Variants in TEDC1 observed in about 807,000 individuals in gnomAD.
The protein encoded by TEDC1 is tubulin epsilon and delta complex protein 1.
A neutral mutation model predicts 59.9 loss-of-function variants in TEDC1; 54 were observed. That is an observed-to-expected ratio of 0.90 (90% CI 0.72 to 1.13). The LOEUF (loss-of-function observed/expected upper bound fraction) is 1.13. Ranked by LOEUF, TEDC1 falls within the 50% of genes most tolerant of loss-of-function variation. The pLI, the probability that TEDC1 is intolerant of heterozygous loss-of-function variation, is 0.00. For synonymous variants in TEDC1, 353 were observed against 298.1 expected (o/e 1.18, Z -1.90); for missense variants, 734 against 683.4 (o/e 1.07, Z -0.83).
intron 3 of TEDC1, 52 bp downstream of exon 3, chr14:105,492,361 C>T (rs1555439640): frequency 1.3e-6 from 2 of 1,587,974 alleles, no homozygotes; most frequent in African/African-American, 1.3e-5. Flanking sequence ...ACTCCTGGGG[C>T]CAGAGCAAGG....
chr14:105,498,129 G>C, intron 8 of TEDC1, 152 bp downstream of exon 8: 1 of 1,019,148 alleles, frequency 9.8e-7, no homozygotes, highest in South Asian at 2.0e-5. Flanking sequence ...GGGAGCGGGA[G>C]GGCACCTGGT....
chr14:105,492,745 C>T lies in TEDC1; in HGVS notation c.585+11C>T. Reference sequence around the variant, plus strand: ...GCCCTCCTGAGCAAGGTAGAGCTGGCACAGGGCTTCCACTCAGGGGCTGTG... The same window carrying T: ...GCCCTCCTGAGCAAGGTAGAGCTGGTACAGGGCTTCCACTCAGGGGCTGTG... On this transcript the variant is annotated intron_variant, in intron 4 of 8. Coordinates refer to ENST00000392523, the MANE Select transcript of TEDC1 (RefSeq NM_001367178.1). 6.5e-7 allele frequency: 1 copy of T among 1,539,392 alleles called. No individual in the cohort carries two copies.
At chr14:105,494,761 C>T (rs1162686167) in intron 5 of TEDC1, 1 of 152,466 alleles carries the variant, frequency 6.6e-6, no homozygotes, top group Non-Finnish European at 1.5e-5. Context: ...GCTGGCCTTC[C>T]ATCCTCATCC....
intron 6 of TEDC1, chr14:105,496,710 T>C (rs1194867786): frequency 5.1e-5 from 8 of 158,328 alleles, no homozygotes; most frequent in Non-Finnish European, 9.6e-5. Context: ...GTGGGCACTG[T>C]GGGCAGGTAC....
chr14:105,495,789 G>T, intron 5 of TEDC1, 91 bp from the exon 6 acceptor site: 1 of 1,074,186 alleles, frequency 9.3e-7, no homozygotes, highest in Non-Finnish European at 1.3e-6. Flanking sequence ...TGGTGGGCTG[G>T]GGGGGCCTGG....
intron 3 of TEDC1, 31 bp from the exon 4 acceptor site, chr14:105,492,548 G>T: frequency 3.9e-6 from 6 of 1,528,690 alleles, no homozygotes; most frequent in Non-Finnish European, 5.3e-6. Context: ...GGGTGGGGTG[G>T]GAGCAGGGCC....
chr14:105,491,839 C>T, intron 2 of TEDC1, 139 bp downstream of exon 2: 1 of 1,099,290 alleles, frequency 9.1e-7, no homozygotes, highest in African/African-American at 1.6e-5. Flanking sequence ...CCTCAAAACT[C>T]CGCCTTCCCC....
intron 3 of TEDC1, 45 bp from the exon 4 acceptor site, chr14:105,492,534 G>GAA: frequency 6.6e-7 from 1 of 1,523,106 alleles, no homozygotes; most frequent in East Asian, 2.5e-5. Flanking sequence ...TTTTCTGGGG[G>GAA]GCAGGGTGGG....
At chr14:105,492,440 GC>G (rs1208692080) in intron 3 of TEDC1, 131 bp downstream of exon 3, 1 of 1,485,884 alleles carries the variant, frequency 6.7e-7, no homozygotes, top group Non-Finnish European at 9.0e-7. Flanking sequence ...TTACCCAGCT[GC>G]CCAGCTGAAA....
chr14:105,496,122 CAGGACTT>C, intron 6 of TEDC1, 36 bp downstream of exon 6: 1 of 116,736 alleles, frequency 8.6e-6, no homozygotes, highest in Non-Finnish European at 1.4e-5. Flanking sequence ...GTGGAGACCG[CAGGACTT>C]GGGGGTGGGT....
intron 5 of TEDC1, chr14:105,494,227 T>C (rs1248289396): frequency 1.4e-5 from 7 of 493,724 alleles, no homozygotes; most frequent in Non-Finnish European, 2.6e-5. Context: ...GGGCAGGCTG[T>C]TGGAATAAAG....
In TEDC1 at chr14:105,494,069, A is replaced by G; in HGVS notation, c.684+136A>G. On this transcript the variant is annotated intron_variant, in intron 5 of 8. Coordinates refer to ENST00000392523, the MANE Select transcript of TEDC1 (RefSeq NM_001367178.1). The stretch of plus-strand genomic sequence containing the variant: ...CGGTGGGTGTCTCTGCATGTCTGCC[A>G]CTGATCATTGCCAGCCTGGGTGACA... 4 of 699,436 alleles carry G rather than the reference A, an allele frequency of 5.7e-6. No homozygotes were observed. The South Asian group carries it at 6.9e-5, about 12-fold the overall frequency. 43.3% of individuals were successfully genotyped at this position (699,436 alleles called of 1,614,324 possible). A position where few individuals can be genotyped will look rare whatever the true frequency, so the allele number is the denominator to read the frequency against.
chr14:105,492,887 G>A (rs1395320838), intron 4 of TEDC1, among the ~76,000 whole-genome samples, 153 bp downstream of exon 4: 2 of 152,180 alleles, frequency 1.3e-5, no homozygotes, highest in Non-Finnish European at 2.9e-5. Context: ...CTGAGCCCGT[G>A]GTTCCCGGTG....
rs781881820 is a variant in TEDC1 at position 105,497,873 on chromosome 14, G to A, written c.1054G>A (p.Glu352Lys). 62 of 1,562,082 alleles carry A rather than the reference G, an allele frequency of 4.0e-5. No homozygotes were observed. Among genetic ancestry groups the A allele is most frequent in the South Asian group, 2.4e-4 (20 of 84,880 alleles). ...SQPTFLPWVP[E>K]RGGGELDLVV... Reference sequence around the variant, plus strand: ...GCCCACCTTCCTGCCCTGGGTCCCCGAGCGCGGGGGTGGCGAGTTGGACCT... The same window carrying A: ...GCCCACCTTCCTGCCCTGGGTCCCCAAGCGCGGGGGTGGCGAGTTGGACCT... The change falls in exon 8 of 9, where the codon GAG (glutamate) becomes AAG (lysine). Residue 352 changes from glutamate (E) to lysine (K), a missense_variant. Glu to Lys is a moderately conservative substitution (Grantham distance 56). Coordinates refer to ENST00000392523, the MANE Select transcript of TEDC1 (RefSeq NM_001367178.1).
intron 5 of TEDC1, chr14:105,495,564 G>T: frequency 3.3e-6 from 1 of 304,110 alleles, no homozygotes; most frequent in Non-Finnish European, 6.1e-6. Context: ...CCTGGCTGAA[G>T]CCGGGCTGGC....
At chr14:105,494,108 G>A (rs2084286765) in intron 5 of TEDC1, 175 bp downstream of exon 5, 1 of 626,390 alleles carries the variant, frequency 1.6e-6, no homozygotes, top group Non-Finnish European at 2.8e-6. Flanking sequence ...AGCTTCTCTG[G>A]GCCTCTCCTA....
chr14:105,498,873 A>G lies in TEDC1; in HGVS notation c.1415A>G (p.Gln472Arg), dbSNP rs782752312. 3 of 1,612,136 alleles carry G rather than the reference A, an allele frequency of 1.9e-6. No individual in the cohort carries two copies. The highest frequency in any genetic ancestry group is 1.7e-4 in the Middle Eastern group (1 of 5,986). ...LEAVLRRLQGQCRQELARLVG... is the reference protein window; with the variant it reads ...LEAVLRRLQGRCRQELARLVG... ...GCGGTGCTACGTCGACTACAGGGACAGTGTCGGCAGGAACTGGCCAGGCTG... is the reference window on the plus strand; with the variant it reads ...GCGGTGCTACGTCGACTACAGGGACGGTGTCGGCAGGAACTGGCCAGGCTG... The change falls in exon 9 of 9, where the codon CAG becomes CGG. Residue 472 changes from glutamine to arginine, a missense_variant. Physicochemically the swap from Gln to Arg is conservative, Grantham distance 43. Coordinates refer to ENST00000392523, the MANE Select transcript of TEDC1 (RefSeq NM_001367178.1).
chr14:105,491,513 TC>T lies in TEDC1; in HGVS notation c.140del (p.Pro47ArgfsTer36). 5.9e-6 allele frequency: 9 copies of T among 1,513,262 alleles called. No homozygotes were observed. Among genetic ancestry groups the T allele is most frequent in the Non-Finnish European group, 8.0e-6 (9 of 1,130,514 alleles). 93.7% of individuals were successfully genotyped at this position (1,513,262 alleles called of 1,614,324 possible). A position where few individuals can be genotyped will look rare whatever the true frequency, so the allele number is the denominator to read the frequency against. On this transcript the variant is annotated frameshift_variant, in exon 1 of 9. Transcript: ENST00000392523. LOFTEE classifies it high-confidence loss of function. The stretch of plus-strand genomic sequence containing the variant: ...TCTTCCGCCGCGCCAAGTTCGACCG[TC>T]CGGAGGCGGTGACGCTCTCGCGGAG... The part of the protein sequence containing the change: ...EIFRRAKFDR[P>X]EATSALWQLL...
At chr14:105,491,974 C>A (rs1386276275) in intron 2 of TEDC1, 133 bp from the exon 3 acceptor site, 5 of 1,008,456 alleles carry the variant, frequency 5.0e-6, no homozygotes, top group Non-Finnish European at 7.3e-6. Context: ...TGAGTTCTAG[C>A]TCTCCCACTA....
Sources: gnomAD v4.1 joint callset for allele counts (sites outside exome capture counted in the v4.1 genomes callset) on GRCh38, gnomAD v4.1.1 for gene constraint, MANE v1.5 for transcripts, NCBI Gene and HGNC (gene_info 2026-07-23, HGNC 2026-07-21) for gene names.